Variants in WWOX observed in about 807,000 individuals in gnomAD.
The protein encoded by WWOX is WW domain-containing oxidoreductase.
Under a neutral mutation model 46.2 loss-of-function variants are expected in WWOX, and 69 were observed. The ratio of observed to expected loss-of-function variants is 1.49; its 90% CI spans 1.23 to 1.82. The LOEUF (loss-of-function observed/expected upper bound fraction) is 1.82, where lower values mean the gene tolerates loss of function less well. Among genes scored for constraint, WWOX ranks in the 40% most tolerant of loss-of-function variants. The pLI, the probability that WWOX is intolerant of heterozygous loss-of-function variation, is 0.00. For missense variants in WWOX, 919 were observed against 542.6 expected (o/e 1.69, Z -6.89); for synonymous variants, 359 against 202.6 (o/e 1.77, Z -6.56).
intron 8 of WWOX, among the ~76,000 whole-genome samples, chr16:78,521,355 C>A (rs1052829157): frequency 1.3e-5 from 2 of 152,068 alleles, no homozygotes; most frequent in Non-Finnish European, 2.9e-5. Flanking sequence ...CAAGCCTAGC[C>A]TTGATATTAT....
Position 78,190,587 on chromosome 16 carries a change from A to G in WWOX, c.516+26298A>G, listed in dbSNP as rs1161497588. 2.0e-5 allele frequency among the ~76,000 whole-genome samples: 3 copies of G among 152,154 alleles called. 1 individual carries two copies. The highest frequency in any genetic ancestry group is 4.4e-5 in the Non-Finnish European group (3 of 68,030). Reference sequence around the variant, plus strand: ...AACTCTATTGTGCACACATATTCGTAGGGTGAGTTGGGCCCCAGGTAGAGT... The same window carrying G: ...AACTCTATTGTGCACACATATTCGTGGGGTGAGTTGGGCCCCAGGTAGAGT... On this transcript the variant is annotated intron_variant, in intron 5 of 8. Coordinates refer to ENST00000566780, the MANE Select transcript of WWOX (RefSeq NM_016373.4).
rs2046341538 is a variant in WWOX at position 78,965,163 on chromosome 16, A to C, written c.1057-246445A>C. Among the ~76,000 whole-genome samples the C allele has an allele frequency of 3.3e-5, 5 of 152,370 alleles. No homozygotes were observed. In the South Asian group the frequency reaches 1.0e-3, roughly 32 times the overall value. On this transcript the variant is annotated intron_variant, in intron 8 of 8. Coordinates refer to ENST00000566780, the MANE Select transcript of WWOX (RefSeq NM_016373.4). ...CACTGCCCAGTGGATCTGTGAGAAG[A>C]GGGAAAGTGAACTAAGCTCTTTAAA... is the stretch of plus-strand genomic sequence containing the variant.
At chr16:78,595,697 G>C (rs372815293) in intron 8 of WWOX, among the ~76,000 whole-genome samples, 168 of 152,254 alleles carry the variant, frequency 1.1e-3, no homozygotes, top group African/African-American at 3.8e-3. Flanking sequence ...GATAGCTGCT[G>C]GCAGAAACCT....
At chr16:78,312,290 G>A (rs2080260311) in intron 5 of WWOX, among the ~76,000 whole-genome samples, 2 of 151,700 alleles carry the variant, frequency 1.3e-5, no homozygotes, top group South Asian at 4.2e-4. Context: ...TTTTGTAGGG[G>A]GTAATTTTAG....
At chr16:79,196,128 A>G (rs2051235083) in intron 8 of WWOX, among the ~76,000 whole-genome samples, 1 of 152,260 alleles carries the variant, frequency 6.6e-6, no homozygotes, top group South Asian at 2.1e-4. Flanking sequence ...ATAAAGTTAC[A>G]GAAGTGCAGT....
At chr16:78,560,122 G>A (rs988095079) in intron 8 of WWOX, among the ~76,000 whole-genome samples, 11 of 152,104 alleles carry the variant, frequency 7.2e-5, no homozygotes, top group African/African-American at 2.4e-4. Context: ...GATTATATTA[G>A]AAAATATTCT....
chr16:78,889,081 C>G (rs963919697), intron 8 of WWOX, among the ~76,000 whole-genome samples: 1 of 152,132 alleles, frequency 6.6e-6, no homozygotes, highest in Non-Finnish European at 1.5e-5. Flanking sequence ...TCTTTGAATT[C>G]AACTCAGAGG....
intron 5 of WWOX, among the ~76,000 whole-genome samples, chr16:78,374,843 C>A (rs561812632): frequency 9.2e-5 from 14 of 152,152 alleles, no homozygotes; most frequent in Admixed American, 2.6e-4. Flanking sequence ...AGTCTCCGCA[C>A]CCGGCCCTGT....
intron 8 of WWOX, among the ~76,000 whole-genome samples, chr16:79,127,103 G>C (rs2049774740): frequency 6.6e-6 from 1 of 151,418 alleles, no homozygotes; most frequent in African/African-American, 2.4e-5. Flanking sequence ...ACTTTTATAT[G>C]GTTCAAAAAT....
rs369310766 is a variant in WWOX at position 78,473,988 on chromosome 16, T to C, written c.1056+41236T>C. On this transcript the variant is annotated intron_variant, in intron 8 of 8. Transcript: ENST00000566780. ...GTTCGAAATGAATAGTCTTGAAATATGTCATAAAGTTACCTATCAGGACCA... is the reference window on the plus strand; with the variant it reads ...GTTCGAAATGAATAGTCTTGAAATACGTCATAAAGTTACCTATCAGGACCA... Among the ~76,000 whole-genome samples, 148 of 152,354 alleles carry C rather than the reference T, an allele frequency of 9.7e-4. 1 individual carries two copies. Among genetic ancestry groups the C allele is most frequent in the African/African-American group, 3.4e-3 (141 of 41,582 alleles).
intron 8 of WWOX, among the ~76,000 whole-genome samples, chr16:78,456,565 A>T (rs1445395140): frequency 6.6e-6 from 1 of 152,214 alleles, no homozygotes; most frequent in African/African-American, 2.4e-5. Flanking sequence ...ATATTTTAAC[A>T]TAATTTGAAG....
At chr16:78,450,715 C>T (rs191631306) in intron 8 of WWOX, among the ~76,000 whole-genome samples, 2 of 152,120 alleles carry the variant, frequency 1.3e-5, no homozygotes, top group Admixed American at 1.3e-4. Context: ...ATTGTGTGTG[C>T]TATGTGTATG....
chr16:79,001,436 G>T (rs1019559677), intron 8 of WWOX, among the ~76,000 whole-genome samples: 4 of 152,162 alleles, frequency 2.6e-5, no homozygotes, highest in African/African-American at 9.7e-5. Flanking sequence ...TGTGAAGCCA[G>T]ATATTGGTGC....
At chr16:78,854,582 G>T (rs1290276119) in intron 8 of WWOX, among the ~76,000 whole-genome samples, 2 of 152,048 alleles carry the variant, frequency 1.3e-5, no homozygotes, top group African/African-American at 4.8e-5. Flanking sequence ...TTGCTAATTT[G>T]TTTCTTTTTT....
chr16:78,387,086 G>C, intron 6 of WWOX, 138 bp downstream of exon 6: 5 of 821,702 alleles, frequency 6.1e-6, no homozygotes, highest in Non-Finnish European at 1.0e-5. Flanking sequence ...TATTGGCCCT[G>C]TTAAGGTGAA....
chr16:78,792,109 T>C (rs1244262520), intron 8 of WWOX, among the ~76,000 whole-genome samples: 2 of 152,122 alleles, frequency 1.3e-5, no homozygotes, highest in African/African-American at 4.8e-5. Context: ...CCCTTAGTCA[T>C]TGCCGCAGGC....
chr16:79,057,318 A>G (rs576548330), intron 8 of WWOX, among the ~76,000 whole-genome samples: 4 of 152,360 alleles, frequency 2.6e-5, no homozygotes, highest in Non-Finnish European at 5.9e-5. Context: ...AGTGGAAATC[A>G]GTGGACTAGA....
At chr16:78,608,229 A>G (rs1250040967) in intron 8 of WWOX, among the ~76,000 whole-genome samples, 1 of 152,168 alleles carries the variant, frequency 6.6e-6, no homozygotes, top group East Asian at 1.9e-4. Context: ...AAAGAAAAGA[A>G]CTGTGAAAAT....
intron 8 of WWOX, among the ~76,000 whole-genome samples, chr16:78,618,463 G>A (rs889691210): frequency 7.2e-5 from 11 of 152,114 alleles, no homozygotes; most frequent in South Asian, 2.1e-4. Flanking sequence ...CTCTGTGTGC[G>A]TTTGCATCCT....
Sources: gnomAD v4.1 joint callset for allele counts (sites outside exome capture counted in the v4.1 genomes callset) on GRCh38, gnomAD v4.1.1 for gene constraint, MANE v1.5 for transcripts, NCBI Gene and HGNC (gene_info 2026-07-23, HGNC 2026-07-21) for gene names.